HMGB1: variants seen among roughly 807,000 people sequenced by gnomAD.
HMGB1 encodes high mobility group box 1, also known as high mobility group protein B1.
For missense variants in HMGB1, 79 were observed against 253.5 expected, an observed-to-expected ratio of 0.31 and a Z score of 4.67; for synonymous variants, 81 against 84.0, an observed-to-expected ratio of 0.96 and a Z score of 0.19.
rs371777026 is a variant in HMGB1 at position 30,522,316 on chromosome 13, T to C, written c.-14-58622A>G. Among the ~76,000 whole-genome samples the C allele has an allele frequency of 2.2e-4, 33 of 152,006 alleles. 1 individual carries two copies. Among genetic ancestry groups the C allele is most frequent in the East Asian group, 2.1e-3 (11 of 5,178 alleles). The stretch of plus-strand genomic sequence containing the variant: ...TTTGTAGAGACTGGGTCTTGACATG[T>C]TGGTCTCAAACTTTTGGGCTCAAGT... On this transcript the variant is annotated intron_variant, in intron 1 of 4. Coordinates refer to the HMGB1 transcript ENST00000405805.
At chr13:30,492,029 G>A (rs369615858) in intron 1 of HMGB1, among the ~76,000 whole-genome samples, 95 of 152,170 alleles carry the variant, frequency 6.2e-4, no homozygotes, top group African/African-American at 2.1e-3. Flanking sequence ...TTAGCCAGGC[G>A]TGGTAGTATG....
chr13:30,605,762 T>C (rs1950451837), intron 1 of HMGB1, among the ~76,000 whole-genome samples: 1 of 152,200 alleles, frequency 6.6e-6, no homozygotes, highest in Non-Finnish European at 1.5e-5. Flanking sequence ...TTTTCTCTCA[T>C]TTTACATATG....
chr13:30,558,984 G>A (rs867496832), intron 1 of HMGB1, among the ~76,000 whole-genome samples: 1 of 152,158 alleles, frequency 6.6e-6, no homozygotes. Flanking sequence ...GTTAACCCTG[G>A]CTCGTGACTC....
At chr13:30,531,373 T>A (rs142056936) in intron 1 of HMGB1, among the ~76,000 whole-genome samples, 2 of 152,168 alleles carry the variant, frequency 1.3e-5, no homozygotes, top group Admixed American at 1.3e-4. Flanking sequence ...AGAGGGTATG[T>A]ATTCACACAG....
intron 1 of HMGB1, chr13:30,554,696 G>A: frequency 1.3e-6 from 1 of 770,882 alleles, no homozygotes; most frequent in South Asian, 1.3e-5. Flanking sequence ...AGAACAGTGA[G>A]AATGCTCTAC....
intron 2 of HMGB1, 30 bp from the exon 3 acceptor site, chr13:30,463,382 T>C (rs780768302): frequency 6.3e-7 from 1 of 1,575,602 alleles, no homozygotes; most frequent in South Asian, 1.2e-5. Context: ...AAGTTTAAGT[T>C]GTAACATTTA....
chr13:30,506,284 T>G (rs990133134), intron 1 of HMGB1, among the ~76,000 whole-genome samples: 1 of 152,104 alleles, frequency 6.6e-6, no homozygotes, highest in African/African-American at 2.4e-5. Flanking sequence ...CTGACATTCT[T>G]TCTAGCTTCT....
intron 1 of HMGB1, among the ~76,000 whole-genome samples, chr13:30,607,140 C>T (rs1950467671): frequency 6.6e-6 from 1 of 152,152 alleles, no homozygotes; most frequent in African/African-American, 2.4e-5. Flanking sequence ...TCCACCTTAT[C>T]CTAATTATTA....
chr13:30,606,200 A>G (rs1270049461), intron 1 of HMGB1, among the ~76,000 whole-genome samples: 1 of 152,208 alleles, frequency 6.6e-6, no homozygotes, highest in Non-Finnish European at 1.5e-5. Context: ...CTAGAAGGAT[A>G]GTTTTTTAGG....
At chr13:30,465,130 C>G (rs1886682893) in intron 1 of HMGB1, 1 of 969,552 alleles carries the variant, frequency 1.0e-6, no homozygotes, top group African/African-American at 1.8e-5. Flanking sequence ...CTCCAGCCAG[C>G]AGCGCCGGGC....
intron 1 of HMGB1, among the ~76,000 whole-genome samples, chr13:30,602,467 C>T (rs778331005): frequency 1.3e-5 from 2 of 152,194 alleles, no homozygotes; most frequent in South Asian, 2.1e-4. Context: ...TATTACAGTT[C>T]GACTAAAAAC....
intron 1 of HMGB1, among the ~76,000 whole-genome samples, chr13:30,597,993 G>C (rs547565869): frequency 6.6e-6 from 1 of 152,318 alleles, no homozygotes; most frequent in East Asian, 1.9e-4. Flanking sequence ...GATAGCCTTA[G>C]AGTAGCTGTC....
chr13:30,476,970 C>G (rs917999750), intron 1 of HMGB1, among the ~76,000 whole-genome samples: 2 of 152,020 alleles, frequency 1.3e-5, no homozygotes, highest in African/African-American at 4.8e-5. Flanking sequence ...CAGAGAGATT[C>G]GTTGAATTGT....
intron 1 of HMGB1, among the ~76,000 whole-genome samples, chr13:30,550,412 T>G (rs948372523): frequency 2.6e-5 from 4 of 152,202 alleles, no homozygotes; most frequent in Non-Finnish European, 5.9e-5. Flanking sequence ...TGCTAACGAC[T>G]GAATGGAATG....
rs1481997671 is a variant in HMGB1 at position 30,461,741 on chromosome 13, T to C, written c.472-208A>G. On this transcript the variant is annotated intron_variant, in intron 4 of 4. Transcript: ENST00000341423. ...GATCATTATAACAATCTATAACTCA[T>C]GAAATGGCATAGTCTAATATTTGCA... 3 of 1,305,100 alleles carry C rather than the reference T, an allele frequency of 2.3e-6. No individual in the cohort carries two copies. In the African/African-American group the frequency reaches 4.4e-5, roughly 19 times the overall value. The allele number at this position is 1,305,100 out of a possible 1,614,324, so 80.8% of individuals were successfully genotyped here. A position where few individuals can be genotyped will look rare whatever the true frequency, so the allele number is the denominator to read the frequency against.
intron 1 of HMGB1, among the ~76,000 whole-genome samples, chr13:30,484,482 C>T (rs995206912): frequency 6.6e-6 from 1 of 152,212 alleles, no homozygotes; most frequent in Non-Finnish European, 1.5e-5. Flanking sequence ...CACCACGTTC[C>T]TCACCCTCCA....
chr13:30,566,536 A>G (rs1870194305), intron 1 of HMGB1, among the ~76,000 whole-genome samples: 1 of 152,232 alleles, frequency 6.6e-6, no homozygotes. Flanking sequence ...ATTTTTTCCC[A>G]ACCTTTTAAA....
intron 1 of HMGB1, among the ~76,000 whole-genome samples, chr13:30,558,735 C>T (rs1468852903): frequency 6.6e-6 from 1 of 152,180 alleles, no homozygotes; most frequent in Non-Finnish European, 1.5e-5. Context: ...CTCAAAACCC[C>T]AGGAGCTTTC....
At chr13:30,531,379 C>T (rs547380167) in intron 1 of HMGB1, among the ~76,000 whole-genome samples, 10 of 152,218 alleles carry the variant, frequency 6.6e-5, no homozygotes, top group African/African-American at 1.4e-4. Context: ...TATGTATTCA[C>T]ACAGAAACCC....
Sources: allele counts gnomAD v4.1 joint callset (sites outside exome capture counted in the v4.1 genomes callset), GRCh38; gene constraint gnomAD v4.1.1; transcripts MANE v1.5; gene names NCBI Gene and HGNC (gene_info 2026-07-23, HGNC 2026-07-21).